The following GPC6 variants were observed in gnomAD, a reference collection of about 807,000 sequenced individuals.
The protein encoded by GPC6 is glypican-6.
A neutral mutation model predicts 55.2 loss-of-function variants in GPC6; 14 were observed. The ratio of observed to expected loss-of-function variants is 0.25; its 90% CI spans 0.17 to 0.40. GPC6 has a LOEUF of 0.40. Among genes scored for constraint, GPC6 ranks in the 10% least tolerant of loss-of-function variants. The pLI is 1.00. For synonymous variants in GPC6, 278 were observed against 259.6 expected, an observed-to-expected ratio of 1.07 and a Z score of -0.68; for missense variants, 641 against 708.5, an observed-to-expected ratio of 0.90 and a Z score of 1.08.
At chr13:94,004,923 G>A (rs1271470458) in intron 3 of GPC6, among the ~76,000 whole-genome samples, 3 of 152,094 alleles carry the variant, frequency 2.0e-5, no homozygotes, top group African/African-American at 4.8e-5. Flanking sequence ...TTAGCTGGGC[G>A]TGGTGGTGGA....
chr13:94,126,100 G>A (rs901672918), intron 4 of GPC6, among the ~76,000 whole-genome samples: 5 of 152,086 alleles, frequency 3.3e-5, no homozygotes. Context: ...ATACCAACTG[G>A]GCACCAGTGG....
At chr13:93,759,169 A>G (rs1174722654) in intron 2 of GPC6, among the ~76,000 whole-genome samples, 1 of 152,098 alleles carries the variant, frequency 6.6e-6, no homozygotes, top group East Asian at 1.9e-4. Flanking sequence ...TCTGTTGTAT[A>G]TTTGCTGATT....
chr13:93,712,186 C>A (rs984846174), intron 2 of GPC6, among the ~76,000 whole-genome samples: 1 of 151,678 alleles, frequency 6.6e-6, no homozygotes, highest in South Asian at 2.1e-4. Flanking sequence ...TTATCAGATG[C>A]AAATCCTTAT....
chr13:93,996,061 A>G (rs1185897359), intron 3 of GPC6, among the ~76,000 whole-genome samples: 2 of 152,228 alleles, frequency 1.3e-5, no homozygotes, highest in African/African-American at 4.8e-5. Context: ...ATACATTGAA[A>G]TTATCACTTG....
At chr13:93,821,938 A>T (rs1463068940) in intron 2 of GPC6, among the ~76,000 whole-genome samples, 1 of 152,140 alleles carries the variant, frequency 6.6e-6, no homozygotes, top group Non-Finnish European at 1.5e-5. Context: ...ATTATCTAAC[A>T]TGAAAATATG....
At chr13:94,377,809 A>G (rs1879957339) in intron 6 of GPC6, among the ~76,000 whole-genome samples, 2 of 152,326 alleles carry the variant, frequency 1.3e-5, no homozygotes, top group African/African-American at 4.8e-5. Context: ...ATGTCCAACA[A>G]TGATAGACTG....
intron 6 of GPC6, among the ~76,000 whole-genome samples, chr13:94,322,006 G>T (rs1457169085): frequency 6.6e-6 from 1 of 151,980 alleles, no homozygotes; most frequent in Non-Finnish European, 1.5e-5. Flanking sequence ...ATTCTCCTTC[G>T]TACATTACTT....
intron 4 of GPC6, among the ~76,000 whole-genome samples, chr13:94,106,160 C>T (rs960392880): frequency 1.6e-4 from 23 of 141,160 alleles, no homozygotes; most frequent in African/African-American, 5.6e-4. Context: ...GTAGCTCCCA[C>T]GACCAAGAGT....
chr13:94,049,451 A>T (rs776092544), intron 4 of GPC6, among the ~76,000 whole-genome samples: 1 of 152,098 alleles, frequency 6.6e-6, no homozygotes, highest in Non-Finnish European at 1.5e-5. Flanking sequence ...TTTGCCTCAG[A>T]TACCTGGGAC....
chr13:94,251,387 G>A (rs1287109994), intron 4 of GPC6, among the ~76,000 whole-genome samples: 3 of 151,078 alleles, frequency 2.0e-5, no homozygotes, highest in African/African-American at 4.9e-5. Flanking sequence ...GTTGATAGGT[G>A]TAGAAAACGA....
intron 2 of GPC6, among the ~76,000 whole-genome samples, chr13:93,643,020 C>T (rs72641682): frequency 0.015 from 2,314 of 152,172 alleles, 26 homozygotes; most frequent in Middle Eastern, 0.034. Context: ...CTGAAAATGT[C>T]AGAGAATGAA....
At chr13:93,549,485 T>G (rs996760342) in intron 2 of GPC6, among the ~76,000 whole-genome samples, 1 of 152,158 alleles carries the variant, frequency 6.6e-6, no homozygotes. Flanking sequence ...TCATGGATTT[T>G]TAACCCTAGG....
Position 93,672,231 on chromosome 13 carries a change from G to A in GPC6, c.319+126810G>A, listed in dbSNP as rs556153829. On this transcript the variant is annotated intron_variant, in intron 2 of 8. Transcript: ENST00000377047. ...TGTGTGTATATGTGTGTGTGTGTGTGTATATATGTATATATATGTTGAACA... is the reference window on the plus strand; with the variant it reads ...TGTGTGTATATGTGTGTGTGTGTGTATATATATGTATATATATGTTGAACA... Among the ~76,000 whole-genome samples, 73 of 148,376 alleles carry A rather than the reference G, an allele frequency of 4.9e-4. 2 individuals are homozygous for A. The highest frequency in any genetic ancestry group is 1.6e-3 in the African/African-American group (65 of 40,334).
At chr13:94,232,986 C>CTTTTTTTTTTT (rs67718119) in intron 4 of GPC6, among the ~76,000 whole-genome samples, 1 of 80,634 alleles carries the variant, frequency 1.2e-5, no homozygotes, top group African/African-American at 5.4e-5. Flanking sequence ...GGTTTTATAA[C>CTTTTTTTTTTT]TTTTTTTTTT....
intron 4 of GPC6, among the ~76,000 whole-genome samples, chr13:94,181,635 C>G (rs1010673773): frequency 1.3e-5 from 2 of 152,186 alleles, no homozygotes; most frequent in African/African-American, 4.8e-5. Context: ...CAAAATGTGT[C>G]TATCTCTGAA....
intron 2 of GPC6, among the ~76,000 whole-genome samples, chr13:93,694,372 C>A (rs758436381): frequency 2.0e-5 from 3 of 152,108 alleles, no homozygotes; most frequent in Non-Finnish European, 4.4e-5. Flanking sequence ...CCTTATAGTT[C>A]ATTGCCTATT....
At chr13:94,324,979 C>A (rs1877038258) in intron 6 of GPC6, among the ~76,000 whole-genome samples, 1 of 152,138 alleles carries the variant, frequency 6.6e-6, no homozygotes, top group Non-Finnish European at 1.5e-5. Flanking sequence ...TTCCCAGGGG[C>A]CTAACGTTAG....
intron 3 of GPC6, among the ~76,000 whole-genome samples, chr13:93,965,457 G>A (rs916658196): frequency 3.9e-5 from 6 of 151,982 alleles, no homozygotes; most frequent in African/African-American, 1.5e-4. Context: ...CAATTCATTC[G>A]GTCAAGAGGA....
intron 2 of GPC6, among the ~76,000 whole-genome samples, chr13:93,618,188 T>A (rs1488043463): frequency 1.3e-5 from 2 of 152,118 alleles, no homozygotes; most frequent in African/African-American, 4.8e-5. Flanking sequence ...TTATTAAGCA[T>A]GGATCAAATA....
Sources: allele counts gnomAD v4.1 joint callset (sites outside exome capture counted in the v4.1 genomes callset), GRCh38; gene constraint gnomAD v4.1.1; transcripts MANE v1.5; gene names NCBI Gene and HGNC (gene_info 2026-07-23, HGNC 2026-07-21).